FLII: variants seen among roughly 807,000 people sequenced by gnomAD.
FLII encodes protein flightless-1 homolog.
FLII carries 101 observed loss-of-function variants against 156.2 expected under a neutral mutation model. The observed-to-expected ratio is 0.65, with a 90% CI of 0.55 to 0.76. FLII has a LOEUF of 0.76. Ranked by LOEUF, FLII falls within the 30% of genes least tolerant of loss-of-function variation. The pLI is 0.00. For synonymous variants in FLII, 767 were observed against 685.8 expected (o/e 1.12, Z -1.85); for missense variants, 1,675 against 1,682.8 (o/e 1.00, Z 0.08).
Position 18,256,800 on chromosome 17 carries a change from C to T in FLII, c.174+109G>A, listed in dbSNP as rs1597925498. 4.3e-5 allele frequency: 36 copies of T among 827,786 alleles called. No individual in the cohort carries two copies. In the East Asian group the frequency reaches 9.6e-4, roughly 22 times the overall value. 51.3% of individuals were successfully genotyped at this position (827,786 alleles called of 1,614,324 possible). ...CCACTCCCTTTCTTCCAGCTCTGCT[C>T]ATAGCTGTCGGTGTTCCTCTCTCTG... On this transcript the variant is annotated intron_variant, in intron 2 of 29. Coordinates refer to ENST00000327031, the MANE Select transcript of FLII (RefSeq NM_002018.4).
chr17:18,257,627 C>T (rs147176229), intron 1 of FLII, among the ~76,000 whole-genome samples: 3 of 152,352 alleles, frequency 2.0e-5, no homozygotes, highest in Admixed American at 6.5e-5. Flanking sequence ...TTCCCCCTAG[C>T]GCCACATTCC....
At chr17:18,247,123 GCCCCCCA>G (rs763170966) in intron 21 of FLII, 39 bp downstream of exon 21, 4 of 1,249,030 alleles carry the variant, frequency 3.2e-6, no homozygotes, top group African/African-American at 4.9e-5. Context: ...CCCTCGGCCT[GCCCCCCA>G]CCCCCCCCCC....
At chr17:18,248,066 A>T (rs1477688186) in intron 18 of FLII, 33 bp from the exon 19 acceptor site, 1 of 1,497,646 alleles carries the variant, frequency 6.7e-7, no homozygotes, top group South Asian at 1.1e-5. Flanking sequence ...CAGGGAAGGG[A>T]TCTGGAGACA....
rs760692003 is a variant in FLII at position 18,256,649 on chromosome 17, G to A, written c.175-52C>T. ...CAGCAGGGTGGGTGGGGTGTCCAGA[G>A]TCCCTGCCTGCCTCCACAACTCTGC... is the stretch of plus-strand genomic sequence containing the variant. On this transcript the variant is annotated intron_variant, in intron 2 of 29. Transcript: ENST00000327031. 24 of 1,462,508 alleles carry A rather than the reference G, an allele frequency of 1.6e-5. No homozygotes were observed. The African/African-American group carries it at 2.7e-4, about 16-fold the overall frequency. The allele number at this position is 1,462,508 out of a possible 1,614,324, so 90.6% of individuals were successfully genotyped here. A position where few individuals can be genotyped will look rare whatever the true frequency, so the allele number is the denominator to read the frequency against.
intron 18 of FLII, 25 bp downstream of exon 18, chr17:18,248,525 G>C: frequency 6.3e-7 from 1 of 1,579,228 alleles, no homozygotes; most frequent in African/African-American, 1.3e-5. Context: ...GGGAGGCCAA[G>C]GTGGGCCTCA....
intron 17 of FLII, 31 bp from the exon 18 acceptor site, chr17:18,248,752 G>A (rs1275045930): frequency 1.2e-6 from 2 of 1,613,898 alleles, no homozygotes; most frequent in East Asian, 2.2e-5. Flanking sequence ...CATCAGCGAG[G>A]CTCACACCCC....
intron 9 of FLII, among the ~76,000 whole-genome samples, chr17:18,252,929 T>C (rs756599159): frequency 9.2e-5 from 14 of 151,834 alleles, no homozygotes; most frequent in Non-Finnish European, 1.8e-4. Flanking sequence ...GGGAGGCTGA[T>C]CATTTGAGGA....
At position 18,258,656 on chromosome 17, in the gene FLII, C is replaced by A; in HGVS notation, c.35G>T (p.Gly12Val). 1.9e-6 allele frequency: 3 copies of A among 1,551,330 alleles called. No homozygotes were observed. The South Asian group carries it at 3.5e-5, about 18-fold the overall frequency. Residue 12 changes from glycine (G) to valine (V), a missense_variant, in exon 1 of 30, where the codon GGC (glycine) becomes GTC (valine). Gly to Val is a moderately radical substitution (Grantham distance 109). Coordinates refer to ENST00000327031, the MANE Select transcript of FLII (RefSeq NM_002018.4). The surrounding 1 kb of genome is among the most constrained non-coding windows in gnomAD (Gnocchi z 4.2). ...EATGVLPFVR[G>V]VDLSGNDFKG... ...GAAGTCGTTGCCGCTGAGGTCCACG[C>A]CACGCACGAACGGCAGCACCCCGGT...
chr17:18,251,079 G>A (rs139371864), intron 13 of FLII, 62 bp from the exon 14 acceptor site: 333 of 1,540,258 alleles, frequency 2.2e-4, no homozygotes, highest in African/African-American at 2.0e-3. Flanking sequence ...CCCCGGAGAC[G>A]CCACTCTGAA....
Position 18,244,868 on chromosome 17 carries a change from C to T in FLII, c.*270G>A, listed in dbSNP as rs921174334. 10 of 431,378 alleles carry T rather than the reference C, an allele frequency of 2.3e-5. No homozygotes were observed. The highest frequency in any genetic ancestry group is 1.8e-4 in the African/African-American group (9 of 49,542). The allele number at this position is 431,378 out of a possible 1,614,324, so 26.7% of individuals were successfully genotyped here. A position where few individuals can be genotyped will look rare whatever the true frequency, so the allele number is the denominator to read the frequency against. On this transcript the variant is annotated 3_prime_UTR_variant, in exon 30 of 30. Transcript: ENST00000327031. ...TATTGAAAATAAAAGCATTTAATAT[C>T]TCTTAAAGGGCATCCACATCTGCTT...
In FLII at chr17:18,247,154, C is replaced by T. The variant is rs1393816798; in HGVS notation, c.2676+15G>A. The T allele has an allele frequency of 1.4e-6, 2 of 1,395,682 alleles. No individual in the cohort carries two copies. 86.5% of individuals were successfully genotyped at this position (1,395,682 alleles called of 1,614,324 possible). On this transcript the variant is annotated intron_variant, in intron 21 of 29. Transcript: ENST00000327031. ...CACCCCCCCCCCCGCGCCCCGGTCC[C>T]GGCCCTGCCCCCACCTCGGCCAGCG...
rs762906425 is a variant in FLII, at chr17:18,248,924, G to C, written c.1935-41C>G. On this transcript the variant is annotated intron_variant, in intron 16 of 29. Coordinates refer to ENST00000327031, the MANE Select transcript of FLII (RefSeq NM_002018.4). ...CAGGAAGGAGCTGTGATGGTGCATGGGGCAATGGTCACCCCATGCTCCTGA... is the reference window on the plus strand; with the variant it reads ...CAGGAAGGAGCTGTGATGGTGCATGCGGCAATGGTCACCCCATGCTCCTGA... 21 of 1,550,860 alleles carry C rather than the reference G, an allele frequency of 1.4e-5. No individual in the cohort carries two copies. The African/African-American group carries it at 2.7e-4, about 20-fold the overall frequency.
rs200623720 is a variant in FLII at position 18,248,701 on chromosome 17, T to C, written c.2039A>G (p.Asn680Ser). 57 of 1,613,756 alleles carry C rather than the reference T, an allele frequency of 3.5e-5. No homozygotes were observed. The highest frequency in any genetic ancestry group is 5.0e-5 in the Admixed American group (3 of 60,020). ...AGCCTTCCCTTTCCGCTCATTCTTG[T>C]TAATTTTCTCTGCAAAGAGCCTGAG... is the stretch of plus-strand genomic sequence containing the variant. ...TKARLFAEKI[N>S]KNERKGKAEI... Residue 680 changes from asparagine (N) to serine (S), a missense_variant, in exon 18 of 30, where the codon AAC (asparagine) becomes AGC (serine). By Grantham distance (46) the Asn-to-Ser change is conservative. This residue lies in a region of FLII where 1,332 missense variants were observed against 1,269.3 expected (regional missense o/e 1.05). Transcript: ENST00000327031.
At chr17:18,249,464 C>A in intron 14 of FLII, 56 bp from the exon 15 acceptor site, 1 of 1,363,538 alleles carries the variant, frequency 7.3e-7, no homozygotes, top group East Asian at 2.3e-5. Flanking sequence ...CCCCACCAAC[C>A]ACTGCCCCTC....
chr17:18,248,515 G>A (rs1219434546), intron 18 of FLII, 35 bp downstream of exon 18: 1 of 1,564,754 alleles, frequency 6.4e-7, no homozygotes, highest in East Asian at 2.3e-5. Context: ...GGGTGAACTT[G>A]GGAGGCCAAG....
chr17:18,255,767 C>A (rs1011586460), intron 3 of FLII, among the ~76,000 whole-genome samples: 1 of 152,152 alleles, frequency 6.6e-6, no homozygotes, highest in Non-Finnish European at 1.5e-5. Context: ...CGGGAGTCAC[C>A]GGAGCTGCCC....
chr17:18,245,712 G>C lies in FLII; in HGVS notation c.3503+32C>G, dbSNP rs372545912. The C allele has an allele frequency of 2.5e-4, 399 of 1,611,230 alleles. 1 individual carries two copies. Among genetic ancestry groups the C allele is most frequent in the Non-Finnish European group, 3.0e-4 (353 of 1,177,610 alleles). On this transcript the variant is annotated intron_variant, in intron 27 of 29. Transcript: ENST00000327031. ...CAGAGGTCATAAGCAGCAGTGCCAG[G>C]ACTGAGGGGAGGGTCAGGGCCCTGG...
rs964897235 is a variant in FLII at position 18,253,378 on chromosome 17, G to A, written c.936C>T (p.Gly312=). ...NKLDFDGLPS[G]IGKLTNLEEF... ...CTTCCAGGTTGGTGAGCTTGCCAAT[G>A]CCTGAGGGCAGCCCGTCAAAGTCCA... The change falls in exon 9 of 30, where the codon GGC becomes GGT. Residue 312 remains glycine, a synonymous_variant. Transcript: ENST00000327031. 2 of 1,613,838 alleles carry A rather than the reference G, an allele frequency of 1.2e-6. No homozygotes were observed. The highest frequency in any genetic ancestry group is 8.5e-7 in the Non-Finnish European group (1 of 1,180,046).
Position 18,246,387 on chromosome 17 carries a change from C to G in FLII, c.3127G>C (p.Gly1043Arg), listed in dbSNP as rs969752638. 1.2e-6 allele frequency: 2 copies of G among 1,614,008 alleles called. No individual in the cohort carries two copies. Among genetic ancestry groups the G allele is most frequent in the Non-Finnish European group, 1.7e-6 (2 of 1,179,990 alleles). ...HFKRKFIIHRGKRKAVQGAQQ... is the reference protein window; with the variant it reads ...HFKRKFIIHRRKRKAVQGAQQ... ...GCGCCCTGGACCGCCTTCCTCTTGC[C>G]CCGGTGGATGATGAACTTCCTCTTG... Residue 1043 changes from glycine to arginine, a missense_variant, in exon 24 of 30, where the codon GGC becomes CGC. By Grantham distance (125) the Gly-to-Arg change is moderately radical. Transcript: ENST00000327031.
Sources: gnomAD v4.1 joint callset for allele counts (sites outside exome capture counted in the v4.1 genomes callset) on GRCh38, gnomAD v4.1.1 for gene constraint, gnomAD v4.1.1 regional missense constraint, Gnocchi (gnomAD v3.1) non-coding constraint, MANE v1.5 for transcripts, NCBI Gene and HGNC (gene_info 2026-07-23, HGNC 2026-07-21) for gene names.